The following CNTNAP2 variants were observed in gnomAD, a reference collection of about 807,000 sequenced individuals.
CNTNAP2 encodes contactin associated protein 2, also known as contactin-associated protein-like 2.
In CNTNAP2, 98 loss-of-function variants were observed where a neutral mutation model predicts 155.2. The ratio of observed to expected loss-of-function variants is 0.63; its 90% CI spans 0.54 to 0.75. The LOEUF is 0.75. CNTNAP2 is among the 30% of genes least tolerant of loss of function. The pLI is 0.00. For missense variants in CNTNAP2, 1,727 were observed against 1,688.1 expected (o/e 1.02, Z -0.40); for synonymous variants, 651 against 631.2 (o/e 1.03, Z -0.47).
intron 17 of CNTNAP2, among the ~76,000 whole-genome samples, chr7:148,167,329 G>T (rs575880276): frequency 4.6e-5 from 7 of 152,124 alleles, no homozygotes; most frequent in African/African-American, 1.7e-4. Context: ...AGTAGAGAAG[G>T]GATTTCACCA....
At chr7:146,863,678 G>A (rs1795147584) in intron 3 of CNTNAP2, among the ~76,000 whole-genome samples, 1 of 152,010 alleles carries the variant, frequency 6.6e-6, no homozygotes, top group Non-Finnish European at 1.5e-5. Context: ...TACCAACCAA[G>A]TATTTAACCT....
intron 4 of CNTNAP2, among the ~76,000 whole-genome samples, chr7:147,094,707 C>A (rs1317195209): frequency 6.6e-6 from 1 of 151,908 alleles, no homozygotes; most frequent in Non-Finnish European, 1.5e-5. Flanking sequence ...AAAGCATGAA[C>A]TTTGTAAGCC....
rs370228739 is a variant in CNTNAP2, at chr7:147,839,435, A to C, written c.2099-64130A>C. On this transcript the variant is annotated intron_variant, in intron 13 of 23. Coordinates refer to ENST00000361727, the MANE Select transcript of CNTNAP2 (RefSeq NM_014141.6). ...AGAACAGTAATGAGAGGTAAATCAC[A>C]GTGAGGCTGGGTGGCGGTAAAGGAA... 3.3e-4 allele frequency among the ~76,000 whole-genome samples: 50 copies of C among 152,326 alleles called. 1 individual carries two copies. The highest frequency in any genetic ancestry group is 1.0e-3 in the African/African-American group (43 of 41,572).
At chr7:146,620,300 G>A (rs531279831) in intron 1 of CNTNAP2, among the ~76,000 whole-genome samples, 1 of 152,240 alleles carries the variant, frequency 6.6e-6, no homozygotes, top group African/African-American at 2.4e-5. Context: ...CGTGACCATG[G>A]AAGCTCATGG....
chr7:146,246,456 C>G (rs1000305984), intron 1 of CNTNAP2, among the ~76,000 whole-genome samples: 1 of 149,294 alleles, frequency 6.7e-6, no homozygotes, highest in Non-Finnish European at 1.5e-5. Context: ...GGTTTAGAAG[C>G]CTGGCCGTCA....
intron 1 of CNTNAP2, among the ~76,000 whole-genome samples, chr7:146,448,479 C>G (rs1441631744): frequency 6.6e-6 from 1 of 150,522 alleles, no homozygotes; most frequent in African/African-American, 2.4e-5. Flanking sequence ...TACCGTTGCT[C>G]TGTTCTCATA....
At chr7:146,259,358 G>A (rs1468087697) in intron 1 of CNTNAP2, among the ~76,000 whole-genome samples, 3 of 152,108 alleles carry the variant, frequency 2.0e-5, no homozygotes, top group Non-Finnish European at 1.5e-5. Flanking sequence ...GGCAGAGATT[G>A]GAACAGTTTG....
chr7:147,644,393 G>A (rs924966987), intron 13 of CNTNAP2, among the ~76,000 whole-genome samples: 3 of 152,214 alleles, frequency 2.0e-5, no homozygotes, highest in African/African-American at 4.8e-5. Context: ...GGCCAAGGCA[G>A]GTGGATCACT....
At chr7:147,738,921 C>G (rs1024905443) in intron 13 of CNTNAP2, among the ~76,000 whole-genome samples, 1 of 152,102 alleles carries the variant, frequency 6.6e-6, no homozygotes, top group African/African-American at 2.4e-5. Flanking sequence ...TCCCAAAGTG[C>G]TGGAATTACA....
At chr7:148,264,408 A>G (rs1472633748) in intron 20 of CNTNAP2, among the ~76,000 whole-genome samples, 1 of 152,112 alleles carries the variant, frequency 6.6e-6, no homozygotes. Flanking sequence ...TATTACTTGT[A>G]TCCATTTTTA....
chr7:147,918,027 C>T (rs766043840), intron 14 of CNTNAP2, among the ~76,000 whole-genome samples: 7 of 152,216 alleles, frequency 4.6e-5, no homozygotes, highest in Non-Finnish European at 8.8e-5. Context: ...AGGAAACCTC[C>T]CTGCCTTTGC....
chr7:147,291,171 A>G (rs1463295292), intron 8 of CNTNAP2, among the ~76,000 whole-genome samples: 2 of 151,806 alleles, frequency 1.3e-5, no homozygotes, highest in Non-Finnish European at 2.9e-5. Flanking sequence ...ATTTTATTTT[A>G]CTTGAAGTTC....
Position 147,783,555 on chromosome 7 carries a change from G to T in CNTNAP2, c.2099-120010G>T, listed in dbSNP as rs1022887048. Among the ~76,000 whole-genome samples, 89 of 152,274 alleles carry T rather than the reference G, an allele frequency of 5.8e-4. 1 individual carries two copies. Among genetic ancestry groups the T allele is most frequent in the African/African-American group, 2.1e-3 (86 of 41,558 alleles). On this transcript the variant is annotated intron_variant, in intron 13 of 23. Coordinates refer to ENST00000361727, the MANE Select transcript of CNTNAP2 (RefSeq NM_014141.6). ...AACAACAGAAGTTTGTCACCTCACA[G>T]TTCTGGAGGCCAGAAATTTGAGATC...
At chr7:147,229,154 A>G (rs1375193320) in intron 8 of CNTNAP2, among the ~76,000 whole-genome samples, 3 of 152,182 alleles carry the variant, frequency 2.0e-5, no homozygotes, top group African/African-American at 7.2e-5. Flanking sequence ...TGGGATGCAC[A>G]AAATTCATTT....
At chr7:147,653,753 C>G (rs1332674014) in intron 13 of CNTNAP2, among the ~76,000 whole-genome samples, 1 of 152,096 alleles carries the variant, frequency 6.6e-6, no homozygotes, top group Non-Finnish European at 1.5e-5. Flanking sequence ...GTTCAGCCAG[C>G]CTGTTGGCTA....
chr7:147,312,141 C>G (rs927683804), intron 9 of CNTNAP2, among the ~76,000 whole-genome samples: 25 of 151,900 alleles, frequency 1.6e-4, no homozygotes, highest in African/African-American at 6.0e-4. Flanking sequence ...TGAACTCACC[C>G]CTCCTTTTAT....
At chr7:147,685,360 A>G (rs546728542) in intron 13 of CNTNAP2, among the ~76,000 whole-genome samples, 2 of 152,116 alleles carry the variant, frequency 1.3e-5, no homozygotes, top group South Asian at 4.1e-4. Flanking sequence ...TATGATTGGA[A>G]GGGTTTCCAA....
chr7:146,375,258 C>G (rs1299020833), intron 1 of CNTNAP2, among the ~76,000 whole-genome samples: 3 of 152,162 alleles, frequency 2.0e-5, no homozygotes, highest in Non-Finnish European at 4.4e-5. Context: ...AATGCTTTTG[C>G]TCTTTCTCTG....
intron 14 of CNTNAP2, among the ~76,000 whole-genome samples, chr7:147,937,798 G>A (rs563566274): frequency 6.6e-6 from 1 of 151,994 alleles, no homozygotes; most frequent in South Asian, 2.1e-4. Context: ...ATTTTTTTCA[G>A]GACTTAGAGA....
Sources: allele counts gnomAD v4.1 joint callset (sites outside exome capture counted in the v4.1 genomes callset), GRCh38; gene constraint gnomAD v4.1.1; transcripts MANE v1.5; gene names NCBI Gene and HGNC (gene_info 2026-07-23, HGNC 2026-07-21).